ITGB3: variants seen among roughly 807,000 people sequenced by gnomAD.
ITGB3 encodes integrin beta-3.
Under a neutral mutation model 85.8 loss-of-function variants are expected in ITGB3, and 48 were observed. That is an observed-to-expected ratio of 0.56 (90% CI 0.44 to 0.71). ITGB3 has a LOEUF of 0.71. ITGB3 is among the 30% of genes least tolerant of loss of function. ITGB3 has a pLI of 0.00. For synonymous variants in ITGB3, 363 were observed against 395.6 expected (o/e 0.92, Z 0.98); for missense variants, 861 against 1,019.1 (o/e 0.84, Z 2.11).
chr17:47,274,413 T>C lies in ITGB3; in HGVS notation c.80-6T>C. The C allele has an allele frequency of 6.2e-7, 1 of 1,612,048 alleles. No individual in the cohort carries two copies. The highest frequency in any genetic ancestry group is 8.5e-7 in the Non-Finnish European group (1 of 1,179,814). ...TGGTGCTAATGCCTTTGTCTGTCTG[T>C]TGCAGGGCCCAACATCTGTACCACG... On this transcript the variant is annotated splice_region_variant and splice_polypyrimidine_tract_variant and intron_variant, in intron 1 of 14. Coordinates refer to ENST00000559488, the MANE Select transcript of ITGB3 (RefSeq NM_000212.3).
Position 47,253,901 on chromosome 17 carries a change from G to C in ITGB3, c.40G>C (p.Val14Leu). ...RPRPRPLWATVLALGALAGVG... is the reference protein window; with the variant it reads ...RPRPRPLWATLLALGALAGVG... Reference sequence around the variant, plus strand: ...GCGGCCCCGGCCGCTCTGGGCGACTGTGCTGGCGCTGGGGGCGCTGGCGGG... The same window carrying C: ...GCGGCCCCGGCCGCTCTGGGCGACTCTGCTGGCGCTGGGGGCGCTGGCGGG... Residue 14 changes from valine (V) to leucine (L), a missense_variant, in exon 1 of 15, where the codon GTG becomes CTG. Coordinates refer to ENST00000559488, the MANE Select transcript of ITGB3 (RefSeq NM_000212.3). 7.2e-7 allele frequency: 1 copy of C among 1,394,356 alleles called. No homozygotes were observed. The highest frequency in any genetic ancestry group is 9.4e-7 in the Non-Finnish European group (1 of 1,068,182). 86.4% of individuals were successfully genotyped at this position (1,394,356 alleles called of 1,614,324 possible).
rs767953405 is a variant in ITGB3 at position 47,289,731 on chromosome 17, C to T, written c.990C>T (p.Ile330=). Reference sequence around the variant, plus strand: ...CTGAGAAGCTATCCCAGAAAAACATCAATTTGATCTTTGCAGTGACTGAAA... The same window carrying T: ...CTGAGAAGCTATCCCAGAAAAACATTAATTTGATCTTTGCAGTGACTGAAA... ...LMTEKLSQKN[I]NLIFAVTENV... Residue 330 remains isoleucine, a synonymous_variant, in exon 7 of 15, where the codon ATC becomes ATT. Coordinates refer to ENST00000559488, the MANE Select transcript of ITGB3 (RefSeq NM_000212.3). 1.2e-6 allele frequency: 2 copies of T among 1,614,100 alleles called. No individual in the cohort carries two copies. Among genetic ancestry groups the T allele is most frequent in the Non-Finnish European group, 1.7e-6 (2 of 1,179,940 alleles).
At chr17:47,269,268 T>G (rs1035546855) in intron 1 of ITGB3, among the ~76,000 whole-genome samples, 18 of 152,254 alleles carry the variant, frequency 1.2e-4, no homozygotes, top group African/African-American at 3.6e-4. Context: ...GTAATTAACA[T>G]TCAGCTCCTC....
intron 10 of ITGB3, among the ~76,000 whole-genome samples, chr17:47,296,238 G>A (rs1038689492): frequency 3.3e-5 from 5 of 152,120 alleles, no homozygotes; most frequent in Admixed American, 6.5e-5. Context: ...GGTTATGTCC[G>A]CCATCCTTCC....
chr17:47,307,719 G>A (rs1055615306), intron 14 of ITGB3, 82 bp downstream of exon 14: 3 of 1,306,408 alleles, frequency 2.3e-6, no homozygotes. Context: ...GGGTGGTCAT[G>A]TTCAGCCAGT....
rs2143114313 is a variant in ITGB3 at position 47,292,568 on chromosome 17, G to C, written c.1690G>C (p.Gly564Arg). The C allele has an allele frequency of 6.2e-7, 1 of 1,600,120 alleles. No homozygotes were observed. Among genetic ancestry groups the C allele is most frequent in the Non-Finnish European group, 8.5e-7 (1 of 1,179,884 alleles). The change falls in exon 10 of 15, where the codon GGC (glycine) becomes CGC (arginine). Residue 564 changes from glycine (G) to arginine (R), a missense_variant and splice_region_variant. Transcript: ENST00000559488. Reference protein sequence around the residue: ...CVRYKGEMCSGHGQCSCGDCL... With the variant: ...CVRYKGEMCSRHGQCSCGDCL... ...CCGCTACAAGGGGGAGATGTGCTCA[G>C]GTGAGGAGAACTGCAGGGCCCCCTG... is the stretch of plus-strand genomic sequence containing the variant.
chr17:47,280,287 A>C (rs1015205204), intron 2 of ITGB3, among the ~76,000 whole-genome samples: 4 of 152,144 alleles, frequency 2.6e-5, no homozygotes, highest in African/African-American at 9.7e-5. Flanking sequence ...CAGCCCATGA[A>C]AGGGGGATCG....
chr17:47,263,482 C>A, intron 1 of ITGB3, among the ~76,000 whole-genome samples: 1 of 139,220 alleles, frequency 7.2e-6, no homozygotes, highest in African/African-American at 2.7e-5. Flanking sequence ...CCCGCCCCCC[C>A]CACCCCCACC....
chr17:47,259,972 C>T (rs1433571352), intron 1 of ITGB3, among the ~76,000 whole-genome samples: 2 of 152,268 alleles, frequency 1.3e-5, no homozygotes, highest in East Asian at 1.9e-4. Context: ...CATTGTCAGT[C>T]GTTAAAATTG....
At chr17:47,308,790 C>T (rs369948545) in intron 14 of ITGB3, among the ~76,000 whole-genome samples, 151 of 152,314 alleles carry the variant, frequency 9.9e-4, no homozygotes, top group South Asian at 3.1e-3. Context: ...TGAGCCACTG[C>T]GCCTGGCTAA....
At chr17:47,264,206 T>C (rs1281915875) in intron 1 of ITGB3, among the ~76,000 whole-genome samples, 1 of 152,182 alleles carries the variant, frequency 6.6e-6, no homozygotes, top group East Asian at 1.9e-4. Context: ...TTCAGGGAAC[T>C]CAAAGTGGGT....
At chr17:47,286,128 TG>T in intron 4 of ITGB3, 131 bp from the exon 5 acceptor site, 1 of 1,003,738 alleles carries the variant, frequency 1.0e-6, no homozygotes, top group Non-Finnish European at 1.6e-6. Flanking sequence ...CTGAACTGTC[TG>T]GGTAACTGTG....
At position 47,299,255 on chromosome 17, in the gene ITGB3, T is replaced by C; in HGVS notation, c.1691-53T>C. 1 of 1,527,072 alleles carries C rather than the reference T, an allele frequency of 6.5e-7. No individual in the cohort carries two copies. Among genetic ancestry groups the C allele is most frequent in the Non-Finnish European group, 9.0e-7 (1 of 1,106,980 alleles). The allele number at this position is 1,527,072 out of a possible 1,614,324, so 94.6% of individuals were successfully genotyped here. On this transcript the variant is annotated intron_variant, in intron 10 of 14. Coordinates refer to ENST00000559488, the MANE Select transcript of ITGB3 (RefSeq NM_000212.3). The surrounding 1 kb of genome is among the most constrained non-coding windows in gnomAD (Gnocchi z 5.1). The stretch of plus-strand genomic sequence containing the variant: ...GATGGTCGTGTGTAGCCTGCTGCCA[T>C]GGGAGTGGAGCTCTCGCCAGCGGGT...
chr17:47,295,786 GC>G (rs1196776416), intron 10 of ITGB3, among the ~76,000 whole-genome samples: 3 of 141,276 alleles, frequency 2.1e-5, no homozygotes, highest in Non-Finnish European at 3.1e-5. Flanking sequence ...GGGTGGGGGG[GC>G]AGCTCTGCTG....
At chr17:47,255,454 TCGCTGTCGCCAGGC>T (rs1451108697) in intron 1 of ITGB3, among the ~76,000 whole-genome samples, 1 of 151,958 alleles carries the variant, frequency 6.6e-6, no homozygotes, top group Non-Finnish European at 1.5e-5. Context: ...AGATGGACTC[TCGCTGTCGCCAGGC>T]TAGAGTGCAG....
chr17:47,296,909 T>A (rs542184538), intron 10 of ITGB3, among the ~76,000 whole-genome samples: 1 of 152,280 alleles, frequency 6.6e-6, no homozygotes, highest in South Asian at 2.1e-4. Flanking sequence ...GGACAGGGCA[T>A]GGAAATATCT....
In ITGB3 at chr17:47,253,882, C is replaced by T. The variant is rs1027548991; in HGVS notation, c.21C>T (p.Pro7=). MRARPR[P]RPLWATVLAL... Reference sequence around the variant, plus strand: ...ACGAGATGCGAGCGCGGCCGCGGCCCCGGCCGCTCTGGGCGACTGTGCTGG... The same window carrying T: ...ACGAGATGCGAGCGCGGCCGCGGCCTCGGCCGCTCTGGGCGACTGTGCTGG... The change falls in exon 1 of 15, where the codon CCC becomes CCT. Residue 7 remains proline (P), a synonymous_variant. Transcript: ENST00000559488. 3 of 1,275,340 alleles carry T rather than the reference C, an allele frequency of 2.4e-6. No individual in the cohort carries two copies. Among genetic ancestry groups the T allele is most frequent in the Admixed American group, 3.8e-5 (1 of 26,536 alleles). The allele number at this position is 1,275,340 out of a possible 1,614,324, so 79.0% of individuals were successfully genotyped here.
chr17:47,290,470 A>AAGGAAGGAAGGAAGGAAGGAAGAG (rs1398788824), intron 8 of ITGB3, among the ~76,000 whole-genome samples, 196 bp downstream of exon 8: 76 of 151,806 alleles, frequency 5.0e-4, no homozygotes, highest in Non-Finnish European at 9.0e-4. Flanking sequence ...GGAAGGAAGG[A>AAGGAAGGAAGGAAGGAAGGAAGAG]AGAGAGAAAG....
At position 47,313,347 on chromosome 17, in the gene ITGB3, C is replaced by CTTTT. The variant is rs11381846; in HGVS notation, c.*3157_*3160dup. On this transcript the variant is annotated 3_prime_UTR_variant, in exon 15 of 15. Transcript: ENST00000559488. The stretch of plus-strand genomic sequence containing the variant: ...AGTATTCCTGGTTGAAATTTCTTTT[C>CTTTT]TTTTTTTTTTTTTTTTTGAGACAGA... Among the ~76,000 whole-genome samples, 5 of 128,314 alleles carry CTTTT rather than the reference C, an allele frequency of 3.9e-5. No individual in the cohort carries two copies. The highest frequency in any genetic ancestry group is 6.4e-5 in the Non-Finnish European group (4 of 62,346). 84.2% of individuals were successfully genotyped at this position (128,314 alleles called of 152,430 possible). A position where few individuals can be genotyped will look rare whatever the true frequency, so the allele number is the denominator to read the frequency against.
Sources: gnomAD v4.1 joint callset for allele counts (sites outside exome capture counted in the v4.1 genomes callset) on GRCh38, gnomAD v4.1.1 for gene constraint, Gnocchi (gnomAD v3.1) non-coding constraint, MANE v1.5 for transcripts, NCBI Gene and HGNC (gene_info 2026-07-23, HGNC 2026-07-21) for gene names.